MYO3A: variants seen among roughly 807,000 people sequenced by gnomAD.
MYO3A encodes the protein myosin-IIIa.
Under a neutral mutation model 192.7 loss-of-function variants are expected in MYO3A, and 180 were observed. That is an observed-to-expected ratio of 0.93 (90% confidence interval 0.83 to 1.06). The LOEUF is 1.06. Among genes scored for constraint, MYO3A ranks in the 50% least tolerant of loss-of-function variants. MYO3A has a pLI of 0.00. For synonymous variants in MYO3A, 628 were observed against 645.3 expected, an observed-to-expected ratio of 0.97 and a Z score of 0.41; for missense variants, 1,896 against 1,905.0, an observed-to-expected ratio of 1.00 and a Z score of 0.09.
intron 10 of MYO3A, among the ~76,000 whole-genome samples, chr10:26,046,796 C>T (rs1014322728): frequency 2.0e-5 from 3 of 152,116 alleles, no homozygotes; most frequent in African/African-American, 2.4e-5. Context: ...AGGATGAGAT[C>T]GTAACATGAT....
In MYO3A at chr10:26,132,200, G is replaced by A. The variant is rs541793986; in HGVS notation, c.2262+3662G>A. The stretch of plus-strand genomic sequence containing the variant: ...GTTTGTTTTGTGGTTTTCTTCCGTC[G>A]GAAAGGGAGCTTAACAGTAATCAAA... On this transcript the variant is annotated intron_variant, in intron 20 of 34. Transcript: ENST00000642920. Among the ~76,000 whole-genome samples the A allele has an allele frequency of 1.7e-4, 26 of 152,194 alleles. No homozygotes were observed. The South Asian group carries it at 5.2e-3, about 30-fold the overall frequency.
intron 6 of MYO3A, among the ~76,000 whole-genome samples, chr10:25,999,044 C>G (rs7920915): frequency 0.013 from 1,996 of 152,038 alleles, 43 homozygotes; most frequent in African/African-American, 0.044. Context: ...ACTACAGGCG[C>G]CCACCACCAT....
At chr10:25,940,677 C>T (rs1454344323) in intron 2 of MYO3A, among the ~76,000 whole-genome samples, 1 of 152,080 alleles carries the variant, frequency 6.6e-6, no homozygotes, top group African/African-American at 2.4e-5. Flanking sequence ...TGCCTTTCAT[C>T]TTGAAAGATA....
intron 20 of MYO3A, among the ~76,000 whole-genome samples, chr10:26,137,290 C>G (rs191585862): frequency 1.3e-5 from 2 of 152,104 alleles, no homozygotes; most frequent in South Asian, 4.1e-4. Context: ...TTCACTGTTG[C>G]GGGAAGTCAG....
chr10:25,946,877 C>CAAAAAAAAAA (rs34045169), intron 2 of MYO3A, among the ~76,000 whole-genome samples: 1 of 50,136 alleles, frequency 2.0e-5, no homozygotes, highest in African/African-American at 9.9e-5. Flanking sequence ...GACTCCGTCT[C>CAAAAAAAAAA]AAAAAAAAAA....
chr10:26,174,156 G>A lies in MYO3A; in HGVS notation c.3892G>A (p.Ala1298Thr). ...TAGCCAAAGGTCAATTTATCAAAATGCAAACAGCATGGAAAAAGAAAAGAA... is the reference window on the plus strand; with the variant it reads ...TAGCCAAAGGTCAATTTATCAAAATACAAACAGCATGGAAAAAGAAAAGAA... ...TLSQRSIYQN[A>T]NSMEKEKKTS... The change falls in exon 30 of 35, where the codon GCA becomes ACA. Residue 1298 changes from alanine to threonine, a missense_variant. By Grantham distance (58) the Ala-to-Thr change is moderately conservative. Coordinates refer to ENST00000642920, the MANE Select transcript of MYO3A (RefSeq NM_017433.5). 6.2e-7 allele frequency: 1 copy of A among 1,614,190 alleles called. No individual in the cohort carries two copies. Among genetic ancestry groups the A allele is most frequent in the Non-Finnish European group, 8.5e-7 (1 of 1,180,042 alleles).
chr10:26,078,510 A>G lies in MYO3A; in HGVS notation c.1359+8109A>G, dbSNP rs188693368. Among the ~76,000 whole-genome samples, 96 of 151,836 alleles carry G rather than the reference A, an allele frequency of 6.3e-4. 2 individuals carry two copies. The highest frequency in any genetic ancestry group is 3.4e-3 in the Middle Eastern group (1 of 294). On this transcript the variant is annotated intron_variant, in intron 14 of 34. Coordinates refer to ENST00000642920, the MANE Select transcript of MYO3A (RefSeq NM_017433.5). ...TTGTTTGTTTGTTTCAATTTCATTTAGTTCTGCCCTGATCTTGGTTATTTC... is the reference window on the plus strand; with the variant it reads ...TTGTTTGTTTGTTTCAATTTCATTTGGTTCTGCCCTGATCTTGGTTATTTC...
At chr10:26,178,198 G>A (rs905203260) in intron 31 of MYO3A, among the ~76,000 whole-genome samples, 17 of 152,244 alleles carry the variant, frequency 1.1e-4, no homozygotes, top group Non-Finnish European at 2.4e-4. Flanking sequence ...GTGGGGCAGA[G>A]AGGAGCAGGT....
Position 26,168,833 on chromosome 10 carries a change from T to C in MYO3A, c.3233T>C (p.Ile1078Thr), listed in dbSNP as rs1841900222. The change falls in exon 28 of 35, where the codon ATA (isoleucine) becomes ACA (threonine). Residue 1078 changes from isoleucine (I) to threonine (T), a missense_variant. Coordinates refer to ENST00000642920, the MANE Select transcript of MYO3A (RefSeq NM_017433.5). Reference protein sequence around the residue: ...AFLCSRRYQKIQEKRKESAII... With the variant: ...AFLCSRRYQKTQEKRKESAII... Reference sequence around the variant, plus strand: ...TTGTGTTCAAGAAGATACCAAAAAATACAGGAGAAAAGGAAAGAAAGCGCT... The same window carrying C: ...TTGTGTTCAAGAAGATACCAAAAAACACAGGAGAAAAGGAAAGAAAGCGCT... 1 of 1,612,508 alleles carries C rather than the reference T, an allele frequency of 6.2e-7. No homozygotes were observed. The highest frequency in any genetic ancestry group is 1.7e-5 in the Admixed American group (1 of 59,994).
chr10:26,087,961 A>T (rs1347173632), intron 14 of MYO3A, among the ~76,000 whole-genome samples: 1 of 152,212 alleles, frequency 6.6e-6, no homozygotes, highest in Non-Finnish European at 1.5e-5. Context: ...TCAGGCACTG[A>T]ACAGAACTGC....
chr10:26,189,474 G>A (rs775974014), intron 31 of MYO3A, among the ~76,000 whole-genome samples: 6 of 152,198 alleles, frequency 3.9e-5, no homozygotes, highest in Non-Finnish European at 7.3e-5. Context: ...GAAAGAGATA[G>A]GATTGAAGGT....
At chr10:26,019,543 A>G (rs913324000) in intron 7 of MYO3A, among the ~76,000 whole-genome samples, 3 of 152,212 alleles carry the variant, frequency 2.0e-5, no homozygotes, top group Non-Finnish European at 4.4e-5. Flanking sequence ...GTCTCGATCT[A>G]CTGACCTTGT....
At chr10:26,127,814 T>C (rs1464536011) in intron 19 of MYO3A, among the ~76,000 whole-genome samples, 1 of 151,818 alleles carries the variant, frequency 6.6e-6, no homozygotes, top group African/African-American at 2.4e-5. Flanking sequence ...AATTATATTT[T>C]AAAGTATTTA....
At chr10:26,076,594 G>T (rs1467903730) in intron 14 of MYO3A, among the ~76,000 whole-genome samples, 4 of 152,066 alleles carry the variant, frequency 2.6e-5, no homozygotes, top group South Asian at 2.1e-4. Flanking sequence ...GTCTAAAAGG[G>T]TTTTTCCAAT....
At chr10:25,994,136 G>T (rs997858066) in intron 4 of MYO3A, among the ~76,000 whole-genome samples, 1 of 152,100 alleles carries the variant, frequency 6.6e-6, no homozygotes, top group African/African-American at 2.4e-5. Flanking sequence ...CATTATTATT[G>T]TGTGGGAGTC....
intron 6 of MYO3A, among the ~76,000 whole-genome samples, chr10:26,010,353 C>A (rs1416426727): frequency 8.0e-6 from 1 of 125,216 alleles, no homozygotes; most frequent in Admixed American, 7.5e-5. Flanking sequence ...AGTACAGGAA[C>A]CTCAAAAGAT....
chr10:26,135,661 C>T (rs1839803027), intron 20 of MYO3A, among the ~76,000 whole-genome samples: 1 of 152,000 alleles, frequency 6.6e-6, no homozygotes, highest in African/African-American at 2.4e-5. Flanking sequence ...AGGCAGAGAG[C>T]ATCTTTGCCA....
chr10:26,125,482 T>C lies in MYO3A; in HGVS notation c.1988T>C (p.Ile663Thr), dbSNP rs752190232. The change falls in exon 19 of 35, where the codon ATA becomes ACA. Residue 663 changes from isoleucine to threonine, a missense_variant. Physicochemically the swap from Ile to Thr is moderately conservative, Grantham distance 89. Coordinates refer to ENST00000642920, the MANE Select transcript of MYO3A (RefSeq NM_017433.5). The part of the protein sequence containing the change: ...HCVVTRGETI[I>T]RPNTVEKATD... The stretch of plus-strand genomic sequence containing the variant: ...GTGGTCACTAGAGGAGAAACAATTA[T>C]ACGACCCAATACTGTAGAAAAAGCT... The C allele has an allele frequency of 1.9e-6, 3 of 1,614,106 alleles. No homozygotes were observed. In the Admixed American group the frequency reaches 5.0e-5, roughly 27 times the overall value.
At chr10:26,156,256 G>A (rs766770607) in intron 25 of MYO3A, among the ~76,000 whole-genome samples, 4 of 152,142 alleles carry the variant, frequency 2.6e-5, no homozygotes, top group Non-Finnish European at 5.9e-5. Flanking sequence ...GAGCTTTGTC[G>A]GTTGCCAATT....
Sources: gnomAD v4.1 joint callset for allele counts (sites outside exome capture counted in the v4.1 genomes callset) on GRCh38, gnomAD v4.1.1 for gene constraint, MANE v1.5 for transcripts, NCBI Gene and HGNC (gene_info 2026-07-23, HGNC 2026-07-21) for gene names.